Variants in TAFA2 observed in about 807,000 individuals in gnomAD.
TAFA2 encodes chemokine-like protein TAFA-2.
A neutral mutation model predicts 18.8 loss-of-function variants in TAFA2; 7 were observed. The observed-to-expected ratio is 0.37, with a 90% CI of 0.21 to 0.70. The LOEUF (loss-of-function observed/expected upper bound fraction) is 0.70, where lower values mean the gene tolerates loss of function less well. Ranked by LOEUF, TAFA2 falls within the 30% of genes least tolerant of loss-of-function variation. The pLI is 0.53. For synonymous variants in TAFA2, 60 were observed against 54.2 expected (o/e 1.11, Z -0.47); for missense variants, 122 against 158.1 (o/e 0.77, Z 1.23).
chr12:61,998,165 T>G (rs1459447205), intron 1 of TAFA2, among the ~76,000 whole-genome samples: 1 of 151,934 alleles, frequency 6.6e-6, no homozygotes, highest in African/African-American at 2.4e-5. Context: ...AAAAGGAGAG[T>G]GGAAATTTTC....
Position 61,801,050 on chromosome 12 carries a change from T to C in TAFA2, c.107-46026A>G, listed in dbSNP as rs192598210. Among the ~76,000 whole-genome samples, 357 of 152,084 alleles carry C rather than the reference T, an allele frequency of 2.3e-3. 2 individuals are homozygous for C. The highest frequency in any genetic ancestry group is 8.1e-3 in the African/African-American group (335 of 41,514). On this transcript the variant is annotated intron_variant, in intron 2 of 4. Transcript: ENST00000416284. ...TTTACAATAGCTACAAGAAACTACC[T>C]AGGAATAAATTTAACCCAGGAGGTG...
chr12:61,979,746 A>C (rs1444938923), intron 1 of TAFA2, among the ~76,000 whole-genome samples: 1 of 152,132 alleles, frequency 6.6e-6, no homozygotes, highest in Non-Finnish European at 1.5e-5. Flanking sequence ...CTGCTGCCAA[A>C]AAGTAGAAGC....
intron 4 of TAFA2, among the ~76,000 whole-genome samples, chr12:61,748,331 C>A (rs371823368): frequency 1.3e-5 from 2 of 152,042 alleles, no homozygotes; most frequent in Non-Finnish European, 2.9e-5. Context: ...TCATTACAGT[C>A]TGTGCTGTGG....
At chr12:61,838,250 G>C (rs1873019453) in intron 2 of TAFA2, among the ~76,000 whole-genome samples, 1 of 151,950 alleles carries the variant, frequency 6.6e-6, no homozygotes, top group Admixed American at 6.6e-5. Context: ...AATCCAGGCA[G>C]CATTTCAGTT....
At chr12:62,091,484 T>A (rs1025675785) in intron 1 of TAFA2, among the ~76,000 whole-genome samples, 22 of 151,910 alleles carry the variant, frequency 1.4e-4, no homozygotes, top group African/African-American at 5.3e-4. Flanking sequence ...GCTCTTATAT[T>A]TTTATACCAT....
intron 2 of TAFA2, among the ~76,000 whole-genome samples, chr12:61,826,355 T>G (rs1872537162): frequency 6.6e-6 from 1 of 151,908 alleles, no homozygotes; most frequent in Admixed American, 6.6e-5. Flanking sequence ...TGTGTGTGTG[T>G]GTGTGTGTAT....
chr12:61,711,994 G>A (rs1398993146), intron 4 of TAFA2, among the ~76,000 whole-genome samples: 1 of 151,912 alleles, frequency 6.6e-6, no homozygotes, highest in African/African-American at 2.4e-5. Flanking sequence ...GTATGAATGT[G>A]GACCATATTT....
At chr12:62,175,603 A>G (rs914071411) in intron 1 of TAFA2, among the ~76,000 whole-genome samples, 4 of 152,070 alleles carry the variant, frequency 2.6e-5, no homozygotes, top group African/African-American at 9.7e-5. Flanking sequence ...ATCATCTGAA[A>G]TACAACTGCC....
intron 1 of TAFA2, among the ~76,000 whole-genome samples, chr12:62,037,081 A>G (rs1425866289): frequency 6.6e-6 from 1 of 152,228 alleles, no homozygotes; most frequent in East Asian, 1.9e-4. Flanking sequence ...AACATTTGCT[A>G]TGTACCTGCT....
intron 1 of TAFA2, among the ~76,000 whole-genome samples, chr12:62,181,563 C>A (rs1381211400): frequency 6.6e-6 from 1 of 152,092 alleles, no homozygotes; most frequent in Non-Finnish European, 1.5e-5. Flanking sequence ...TGAAAGAAAA[C>A]AAATTGCTTC....
intron 2 of TAFA2, among the ~76,000 whole-genome samples, chr12:61,860,925 G>A (rs1301288337): frequency 6.6e-6 from 1 of 152,100 alleles, no homozygotes; most frequent in African/African-American, 2.4e-5. Context: ...AGTGCCGCTA[G>A]GACATGAGTC....
rs147865938 is a variant in TAFA2 at position 61,746,808 on chromosome 12, T to C, written c.384+6814A>G. ...CAGAATTCAGAATAGAATCTGACAATAGGAGGCAATAAAGACTTTTTGAAT... is the reference window on the plus strand; with the variant it reads ...CAGAATTCAGAATAGAATCTGACAACAGGAGGCAATAAAGACTTTTTGAAT... On this transcript the variant is annotated intron_variant, in intron 4 of 4. Transcript: ENST00000416284. Among the ~76,000 whole-genome samples the C allele has an allele frequency of 2.1e-3, 325 of 152,224 alleles. 3 individuals are homozygous for C. The highest frequency in any genetic ancestry group is 7.3e-3 in the African/African-American group (302 of 41,564).
Position 61,917,796 on chromosome 12 carries a change from A to G in TAFA2, c.-1-50370T>C, listed in dbSNP as rs138403499. ...TCAGCCACAGATCTTATGGCCCAAG[A>G]AGCCACATAGTAAAAAAAGTACTTT... On this transcript the variant is annotated intron_variant, in intron 1 of 4. Transcript: ENST00000416284. Among the ~76,000 whole-genome samples the G allele has an allele frequency of 5.4e-3, 820 of 152,326 alleles. 8 individuals carry two copies. The highest frequency in any genetic ancestry group is 7.6e-3 in the Non-Finnish European group (516 of 68,014).
chr12:61,872,258 C>G (rs946910297), intron 1 of TAFA2, among the ~76,000 whole-genome samples: 10 of 152,004 alleles, frequency 6.6e-5, no homozygotes, highest in African/African-American at 2.4e-4. Context: ...ACCTGACCTC[C>G]CCTTGAGCCT....
At chr12:62,134,086 A>G (rs992545411) in intron 1 of TAFA2, among the ~76,000 whole-genome samples, 1 of 151,176 alleles carries the variant, frequency 6.6e-6, no homozygotes, top group Non-Finnish European at 1.5e-5. Context: ...TGCTTAGGAC[A>G]CTCTTTCTCT....
At chr12:61,984,773 T>C (rs1024270428) in intron 1 of TAFA2, among the ~76,000 whole-genome samples, 1 of 152,208 alleles carries the variant, frequency 6.6e-6, no homozygotes, top group Admixed American at 6.5e-5. Context: ...GCTGGAAATG[T>C]TTCAGTGGTT....
At chr12:62,156,151 T>C (rs1315804191) in intron 1 of TAFA2, among the ~76,000 whole-genome samples, 1 of 152,050 alleles carries the variant, frequency 6.6e-6, no homozygotes, top group South Asian at 2.1e-4. Flanking sequence ...AATAGACAAT[T>C]CTCAAAAGAA....
chr12:61,943,657 G>C (rs904754859), intron 1 of TAFA2, among the ~76,000 whole-genome samples: 3 of 152,148 alleles, frequency 2.0e-5, no homozygotes, highest in Non-Finnish European at 4.4e-5. Context: ...TGCAATCCGA[G>C]TCTCTGATAA....
intron 2 of TAFA2, among the ~76,000 whole-genome samples, chr12:61,801,735 C>T (rs761242140): frequency 6.6e-6 from 1 of 151,940 alleles, no homozygotes; most frequent in African/African-American, 2.4e-5. Context: ...AAACCACAGG[C>T]AACATAAGCA....
Sources: gnomAD v4.1 joint callset for allele counts (sites outside exome capture counted in the v4.1 genomes callset) on GRCh38, gnomAD v4.1.1 for gene constraint, MANE v1.5 for transcripts, NCBI Gene and HGNC (gene_info 2026-07-23, HGNC 2026-07-21) for gene names.